PDZRN4: variants seen among roughly 807,000 people sequenced by gnomAD.
PDZRN4 encodes PDZ domain-containing RING finger protein 4.
PDZRN4 carries 70 observed loss-of-function variants against 99.0 expected under a neutral mutation model. That is an observed-to-expected ratio of 0.71 (90% CI 0.58 to 0.86). The LOEUF is 0.86. PDZRN4 is among the 40% of genes least tolerant of loss of function. PDZRN4 has a pLI of 0.00. For synonymous variants in PDZRN4, 551 were observed against 501.6 expected, an observed-to-expected ratio of 1.10 and a Z score of -1.32; for missense variants, 1,474 against 1,331.2, an observed-to-expected ratio of 1.11 and a Z score of -1.67.
chr12:41,369,747 C>G (rs1283886413), intron 3 of PDZRN4, among the ~76,000 whole-genome samples: 1 of 151,860 alleles, frequency 6.6e-6, no homozygotes, highest in Non-Finnish European at 1.5e-5. Context: ...AATGTTTGCT[C>G]TTTATAAAGT....
intron 3 of PDZRN4, among the ~76,000 whole-genome samples, chr12:41,235,666 T>G (rs1467805170): frequency 6.6e-6 from 1 of 152,200 alleles, no homozygotes; most frequent in Non-Finnish European, 1.5e-5. Flanking sequence ...ATCTCAATTT[T>G]TAAATGCTGG....
At chr12:41,224,513 C>T (rs79775741) in intron 3 of PDZRN4, among the ~76,000 whole-genome samples, 4,395 of 152,054 alleles carry the variant, frequency 0.029, 161 homozygotes, top group East Asian at 0.16. Flanking sequence ...AAATGGCTTT[C>T]GTGAGGAAGA....
chr12:41,201,259 C>T (rs957324056), intron 3 of PDZRN4, among the ~76,000 whole-genome samples: 2 of 151,744 alleles, frequency 1.3e-5, no homozygotes, highest in Non-Finnish European at 2.9e-5. Context: ...TTCTGTCTAA[C>T]TGGTATTCTG....
At chr12:41,367,027 C>T (rs1216021455) in intron 3 of PDZRN4, among the ~76,000 whole-genome samples, 5 of 152,040 alleles carry the variant, frequency 3.3e-5, no homozygotes, top group African/African-American at 1.2e-4. Context: ...GAGCCCATTC[C>T]TCCCTAGACT....
intron 3 of PDZRN4, among the ~76,000 whole-genome samples, chr12:41,311,346 A>T (rs1951605481): frequency 1.3e-5 from 2 of 152,104 alleles, no homozygotes; most frequent in South Asian, 4.1e-4. Context: ...TATGAAAGTT[A>T]ATCAGCAATA....
At chr12:41,517,521 C>A (rs1246543146) in intron 5 of PDZRN4, among the ~76,000 whole-genome samples, 3 of 152,038 alleles carry the variant, frequency 2.0e-5, no homozygotes, top group Admixed American at 6.6e-5. Flanking sequence ...AAGCAAAATT[C>A]ATATTAAAGA....
At chr12:41,199,177 A>T (rs908518848) in intron 3 of PDZRN4, among the ~76,000 whole-genome samples, 1 of 152,168 alleles carries the variant, frequency 6.6e-6, no homozygotes, top group African/African-American at 2.4e-5. Flanking sequence ...GATGCATAAG[A>T]AGCATTTACA....
At chr12:41,451,890 T>G (rs1300636302) in intron 3 of PDZRN4, among the ~76,000 whole-genome samples, 1 of 152,176 alleles carries the variant, frequency 6.6e-6, no homozygotes, top group Non-Finnish European at 1.5e-5. Flanking sequence ...GAAAATCATT[T>G]TAAACCTGGA....
At chr12:41,229,083 C>A (rs1007266910) in intron 3 of PDZRN4, among the ~76,000 whole-genome samples, 1 of 151,628 alleles carries the variant, frequency 6.6e-6, no homozygotes, top group African/African-American at 2.4e-5. Context: ...ATAATTTCCC[C>A]CATTCTTTCA....
At chr12:41,359,062 T>G (rs1307540178) in intron 3 of PDZRN4, among the ~76,000 whole-genome samples, 1 of 152,036 alleles carries the variant, frequency 6.6e-6, no homozygotes, top group Admixed American at 6.6e-5. Flanking sequence ...TTACATTACG[T>G]TGTTAACTGG....
chr12:41,310,673 TAAAAG>T (rs1266951564), intron 3 of PDZRN4, among the ~76,000 whole-genome samples: 3 of 152,180 alleles, frequency 2.0e-5, no homozygotes, highest in African/African-American at 7.2e-5. Flanking sequence ...TTTCTTAAGA[TAAAAG>T]GAAAGCTTTA....
chr12:41,451,834 C>T (rs968347118), intron 3 of PDZRN4, among the ~76,000 whole-genome samples: 1 of 152,106 alleles, frequency 6.6e-6, no homozygotes, highest in Non-Finnish European at 1.5e-5. Context: ...CTTTCCTCAT[C>T]TTCCTCACAC....
chr12:41,207,918 A>T (rs1950862341), intron 3 of PDZRN4, among the ~76,000 whole-genome samples: 1 of 151,270 alleles, frequency 6.6e-6, no homozygotes, highest in South Asian at 2.1e-4. Flanking sequence ...CAGTGAATTC[A>T]ATTGAATTAC....
At chr12:41,561,439 C>A in intron 7 of PDZRN4, among the ~76,000 whole-genome samples, 1 of 151,248 alleles carries the variant, frequency 6.6e-6, no homozygotes, top group Non-Finnish European at 1.5e-5. Flanking sequence ...TTATAAAGAC[C>A]CTCTGAGAAA....
intron 3 of PDZRN4, among the ~76,000 whole-genome samples, chr12:41,225,067 C>T (rs1950983895): frequency 6.6e-6 from 1 of 152,062 alleles, no homozygotes; most frequent in South Asian, 2.1e-4. Context: ...ATATACAGTT[C>T]TCCTGTCTCC....
chr12:41,312,590 T>G (rs1236981314), intron 3 of PDZRN4, among the ~76,000 whole-genome samples: 1 of 152,098 alleles, frequency 6.6e-6, no homozygotes, highest in Non-Finnish European at 1.5e-5. Context: ...TGGTGGAAGA[T>G]GAAGGAAGAG....
At chr12:41,459,841 T>C in intron 3 of PDZRN4, 1 of 796,488 alleles carries the variant, frequency 1.3e-6, no homozygotes. Flanking sequence ...TCAGGGGTAT[T>C]GGGAAAAAAT....
rs570452335 is a variant in PDZRN4, at chr12:41,251,217, A to G, written c.843+57029A>G. Among the ~76,000 whole-genome samples, 6 of 152,248 alleles carry G rather than the reference A, an allele frequency of 3.9e-5. No homozygotes were observed. In the South Asian group the frequency reaches 1.0e-3, roughly 26 times the overall value. ...CAGTCAGATGATGTAAGCTGAACCA[A>G]TTGAGATGTTTGTGGTGTTGGCTAT... On this transcript the variant is annotated intron_variant, in intron 3 of 9. Coordinates refer to ENST00000402685, the MANE Select transcript of PDZRN4 (RefSeq NM_001164595.2).
At chr12:41,469,731 A>G (rs1952967232) in intron 3 of PDZRN4, among the ~76,000 whole-genome samples, 1 of 152,094 alleles carries the variant, frequency 6.6e-6, no homozygotes, top group African/African-American at 2.4e-5. Context: ...GGAGATCGAG[A>G]CCATCCTGGC....
Sources: gnomAD v4.1 joint callset for allele counts (sites outside exome capture counted in the v4.1 genomes callset) on GRCh38, gnomAD v4.1.1 for gene constraint, MANE v1.5 for transcripts, NCBI Gene and HGNC (gene_info 2026-07-23, HGNC 2026-07-21) for gene names.